SCARB1: variants seen among roughly 807,000 people sequenced by gnomAD.
SCARB1 encodes scavenger receptor class B member 1.
Under a neutral mutation model 57.2 loss-of-function variants are expected in SCARB1, and 30 were observed. The ratio of observed to expected loss-of-function variants is 0.52; its 90% confidence interval spans 0.39 to 0.71. The LOEUF is 0.71. SCARB1 is among the 30% of genes least tolerant of loss of function. SCARB1 has a pLI of 0.00. For synonymous variants in SCARB1, 249 were observed against 268.3 expected (o/e 0.93, Z 0.70); for missense variants, 543 against 671.2 (o/e 0.81, Z 2.11).
intron 1 of SCARB1, among the ~76,000 whole-genome samples, chr12:124,854,837 G>C (rs887120700): frequency 7.9e-5 from 12 of 152,122 alleles, no homozygotes; most frequent in African/African-American, 2.9e-4. Flanking sequence ...AGCTGCCTTT[G>C]ACCCCGAGTT....
intron 1 of SCARB1, among the ~76,000 whole-genome samples, chr12:124,858,558 T>C (rs1203774573): frequency 2.0e-5 from 3 of 152,184 alleles, no homozygotes; most frequent in African/African-American, 7.2e-5. Flanking sequence ...AAACTATGTA[T>C]CTGTTCATTC....
intron 1 of SCARB1, among the ~76,000 whole-genome samples, chr12:124,831,884 G>A (rs561266422): frequency 8.6e-4 from 131 of 152,322 alleles, no homozygotes; most frequent in African/African-American, 3.1e-3. Flanking sequence ...AATCCCAGCA[G>A]AGGGGCGTCC....
chr12:124,856,171 T>C (rs1229231548), intron 1 of SCARB1, among the ~76,000 whole-genome samples: 2 of 152,252 alleles, frequency 1.3e-5, no homozygotes, highest in African/African-American at 2.4e-5. Context: ...AACATGTATG[T>C]GCAGACACAT....
At position 124,807,750 on chromosome 12, in the gene SCARB1, A is replaced by T; in HGVS notation, c.1009+11T>A. ...CCCTCCCGCCATCCCAGCACAGGGG[A>T]CGGCACGTACTGAACCTGCAGGTGC... On this transcript the variant is annotated intron_variant, in intron 7 of 12. Transcript: ENST00000261693. The surrounding 1 kb of genome is among the most constrained non-coding windows in gnomAD (Gnocchi z 5.3). 1 of 1,613,784 alleles carries T rather than the reference A, an allele frequency of 6.2e-7. No individual in the cohort carries two copies. The highest frequency in any genetic ancestry group is 8.5e-7 in the Non-Finnish European group (1 of 1,179,888).
Position 124,789,561 on chromosome 12 carries a change from T to C in SCARB1, c.1203-2104A>G, listed in dbSNP as rs568218887. Among the ~76,000 whole-genome samples, 63 of 152,066 alleles carry C rather than the reference T, an allele frequency of 4.1e-4. No individual in the cohort carries two copies. The highest frequency in any genetic ancestry group is 1.5e-5 in the Non-Finnish European group (1 of 68,004). ...ATATGGTTACATCAAGGTTCTGAGA[T>C]GGGAAGAGTATCCTGGAATACCTAG... On this transcript the variant is annotated intron_variant, in intron 9 of 12. Coordinates refer to ENST00000261693, the MANE Select transcript of SCARB1 (RefSeq NM_005505.5). This position sits in a 1 kb window ranked among gnomAD's most constrained non-coding sequence, Gnocchi z 4.4.
intron 7 of SCARB1, among the ~76,000 whole-genome samples, chr12:124,804,356 C>T (rs1950252084): frequency 6.6e-6 from 1 of 152,240 alleles, no homozygotes; most frequent in African/African-American, 2.4e-5. Context: ...AAAGCCAGTC[C>T]AGCAGAAAAC....
chr12:124,786,116 C>A, intron 11 of SCARB1: 1 of 1,537,122 alleles, frequency 6.5e-7, no homozygotes, highest in South Asian at 1.2e-5. Context: ...CCTGTGCCCC[C>A]TCCAAGGGAG....
At chr12:124,785,741 GATA>G (rs1949488815) in intron 11 of SCARB1, 1 of 321,880 alleles carries the variant, frequency 3.1e-6, no homozygotes, top group Non-Finnish European at 5.8e-6. Flanking sequence ...ATGTTGAAGT[GATA>G]ATACTTTGCA....
In SCARB1 at chr12:124,817,815, C is replaced by T. The variant is rs376432460; in HGVS notation, c.127-108G>A. On this transcript the variant is annotated intron_variant, in intron 1 of 12. Transcript: ENST00000261693. The surrounding 1 kb of genome is among the most constrained non-coding windows in gnomAD (Gnocchi z 4.8). ...GAGCCCGGCCAGGGAAGGGGCTCCT[C>T]GGCGGGAGCTTGGGATAGGAGGTGG... The T allele has an allele frequency of 3.9e-5, 47 of 1,195,990 alleles. No individual in the cohort carries two copies. Among genetic ancestry groups the T allele is most frequent in the Middle Eastern group, 3.8e-4 (2 of 5,224 alleles). 74.1% of individuals were successfully genotyped at this position (1,195,990 alleles called of 1,614,324 possible).
chr12:124,805,459 A>G (rs1487315473), intron 7 of SCARB1, among the ~76,000 whole-genome samples: 2 of 152,078 alleles, frequency 1.3e-5, no homozygotes, highest in Admixed American at 6.5e-5. Context: ...TCCTTCAGAG[A>G]GGCCGGTAGG....
intron 11 of SCARB1, 105 bp from the exon 12 acceptor site, chr12:124,782,916 C>T (rs561350653): frequency 4.4e-5 from 55 of 1,245,580 alleles, no homozygotes; most frequent in Admixed American, 7.1e-5. Context: ...AGGAAAGGCA[C>T]ATAAGTTTAG....
At chr12:124,849,848 A>C (rs1952314420) in intron 1 of SCARB1, among the ~76,000 whole-genome samples, 1 of 151,272 alleles carries the variant, frequency 6.6e-6, no homozygotes, top group Non-Finnish European at 1.5e-5. Context: ...GGATTGCTTG[A>C]GGCCAGGAGT....
chr12:124,799,335 G>A (rs940155845), intron 8 of SCARB1, among the ~76,000 whole-genome samples: 1 of 151,988 alleles, frequency 6.6e-6, no homozygotes, highest in African/African-American at 2.4e-5. Context: ...GACCAGACTG[G>A]GCAACATGGC....
Position 124,812,705 on chromosome 12 carries a change from C to T in SCARB1, c.631-740G>A, listed in dbSNP as rs1950570789. ...TGACTGAAGGAAATATCTAGAAGTG[C>T]TTTGCAGGGTGGAGCACACTGAGGA... On this transcript the variant is annotated intron_variant, in intron 4 of 12. Coordinates refer to ENST00000261693, the MANE Select transcript of SCARB1 (RefSeq NM_005505.5). The surrounding 1 kb of genome is among the most constrained non-coding windows in gnomAD (Gnocchi z 4.3). Among the ~76,000 whole-genome samples the T allele has an allele frequency of 6.6e-6, 1 of 152,176 alleles. No homozygotes were observed. The highest frequency in any genetic ancestry group is 6.5e-5 in the Admixed American group (1 of 15,290).
chr12:124,848,559 C>T (rs555321718), intron 1 of SCARB1, among the ~76,000 whole-genome samples: 77 of 152,352 alleles, frequency 5.1e-4, no homozygotes, highest in Middle Eastern at 6.8e-3. Flanking sequence ...AAAGGCTCAG[C>T]AACGAGAGAG....
chr12:124,807,692 G>A lies in SCARB1; in HGVS notation c.1009+69C>T, dbSNP rs1950367750. On this transcript the variant is annotated intron_variant, in intron 7 of 12. Coordinates refer to ENST00000261693, the MANE Select transcript of SCARB1 (RefSeq NM_005505.5). The surrounding 1 kb of genome is among the most constrained non-coding windows in gnomAD (Gnocchi z 5.3). ...CCAGAGATTAAGCAGACAGCACTGGGCAGATAAACCCTCAGCTGGCCCCAC... is the reference window on the plus strand; with the variant it reads ...CCAGAGATTAAGCAGACAGCACTGGACAGATAAACCCTCAGCTGGCCCCAC... 1.4e-5 allele frequency: 21 copies of A among 1,459,884 alleles called. No individual in the cohort carries two copies. The highest frequency in any genetic ancestry group is 1.9e-5 in the Non-Finnish European group (20 of 1,045,444). 90.4% of individuals were successfully genotyped at this position (1,459,884 alleles called of 1,614,324 possible).
chr12:124,820,952 G>A (rs977119913), intron 1 of SCARB1, among the ~76,000 whole-genome samples: 1 of 152,078 alleles, frequency 6.6e-6, no homozygotes, highest in Non-Finnish European at 1.5e-5. Context: ...TTTTAAAAAA[G>A]CAAAACAAGG....
chr12:124,829,646 A>G (rs1270441924), intron 1 of SCARB1, among the ~76,000 whole-genome samples: 1 of 152,138 alleles, frequency 6.6e-6, no homozygotes, highest in Non-Finnish European at 1.5e-5. Context: ...TTGCTCCTCC[A>G]GGGGCAATCT....
intron 11 of SCARB1, 42 bp downstream of exon 11, chr12:124,786,315 C>A (rs745456860): frequency 1.9e-6 from 3 of 1,610,466 alleles, no homozygotes; most frequent in African/African-American, 2.7e-5. Context: ...AGCAGGCAAG[C>A]GAATGGCTGT....
Sources: gnomAD v4.1 joint callset for allele counts (sites outside exome capture counted in the v4.1 genomes callset) on GRCh38, gnomAD v4.1.1 for gene constraint, Gnocchi (gnomAD v3.1) non-coding constraint, MANE v1.5 for transcripts, NCBI Gene and HGNC (gene_info 2026-07-23, HGNC 2026-07-21) for gene names.